BNC2: variants seen among roughly 807,000 people sequenced by gnomAD.
BNC2 encodes zinc finger protein basonuclin-2.
In BNC2, 20 loss-of-function variants were observed where a neutral mutation model predicts 76.3. The observed-to-expected ratio is 0.26, with a 90% CI of 0.18 to 0.38. The LOEUF (loss-of-function observed/expected upper bound fraction) is 0.38, where lower values mean the gene tolerates loss of function less well. Among genes scored for constraint, BNC2 ranks in the 10% least tolerant of loss-of-function variants. The pLI is 1.00. For synonymous variants in BNC2, 582 were observed against 514.8 expected (o/e 1.13, Z -1.77); for missense variants, 1,382 against 1,399.8 (o/e 0.99, Z 0.20).
At chr9:16,820,813 A>C (rs942786762) in intron 1 of BNC2, among the ~76,000 whole-genome samples, 1 of 152,152 alleles carries the variant, frequency 6.6e-6, no homozygotes, top group African/African-American at 2.4e-5. Flanking sequence ...GGGAAAAAAA[A>C]AAAACACTAA....
intron 1 of BNC2, among the ~76,000 whole-genome samples, chr9:16,760,937 T>C (rs1825534845): frequency 6.6e-6 from 1 of 152,134 alleles, no homozygotes; most frequent in Non-Finnish European, 1.5e-5. Context: ...CTGTTATCCC[T>C]TATCCCCACT....
At chr9:16,766,876 C>G (rs1825709776) in intron 1 of BNC2, among the ~76,000 whole-genome samples, 1 of 151,936 alleles carries the variant, frequency 6.6e-6, no homozygotes, top group South Asian at 2.1e-4. Context: ...GGTTGCCCTC[C>G]CCACACAAAA....
intron 1 of BNC2, among the ~76,000 whole-genome samples, chr9:16,807,404 GA>G (rs989431027): frequency 4.6e-5 from 7 of 151,902 alleles, no homozygotes; most frequent in Non-Finnish European, 7.4e-5. Flanking sequence ...ATCACAAAAA[GA>G]AATAAGATAC....
At chr9:16,824,943 G>C (rs1309910357) in intron 1 of BNC2, among the ~76,000 whole-genome samples, 1 of 152,014 alleles carries the variant, frequency 6.6e-6, no homozygotes, top group Non-Finnish European at 1.5e-5. Flanking sequence ...GGCTAAACTG[G>C]GTTTAGTTGT....
At chr9:16,633,738 T>C (rs1246467204) in intron 3 of BNC2, among the ~76,000 whole-genome samples, 2 of 152,202 alleles carry the variant, frequency 1.3e-5, no homozygotes, top group Admixed American at 1.3e-4. Flanking sequence ...TCCAAGTAAA[T>C]AGCGGTTTGC....
chr9:16,687,338 T>C (rs752980770), intron 3 of BNC2, among the ~76,000 whole-genome samples: 4 of 152,202 alleles, frequency 2.6e-5, no homozygotes, highest in Non-Finnish European at 5.9e-5. Flanking sequence ...ACCTGCTACC[T>C]GCTCCTTGGT....
intron 3 of BNC2, among the ~76,000 whole-genome samples, chr9:16,701,579 G>A (rs758203594): frequency 2.9e-4 from 44 of 152,284 alleles, no homozygotes; most frequent in South Asian, 1.0e-3. Context: ...TAGATCTTAA[G>A]ATGCAGTATG....
intron 5 of BNC2, among the ~76,000 whole-genome samples, chr9:16,492,455 T>C (rs574495712): frequency 6.6e-6 from 1 of 152,350 alleles, no homozygotes; most frequent in African/African-American, 2.4e-5. Context: ...TGGTAAAGAT[T>C]CACCACTTCA....
At chr9:16,775,953 G>C (rs984647720) in intron 1 of BNC2, 1 of 152,098 alleles carries the variant, frequency 6.6e-6, no homozygotes, top group Non-Finnish European at 1.5e-5. Context: ...GGGCCACTGT[G>C]TCCAAAACCA....
At chr9:16,620,323 A>G (rs1485047593) in intron 3 of BNC2, among the ~76,000 whole-genome samples, 2 of 152,180 alleles carry the variant, frequency 1.3e-5, no homozygotes, top group Non-Finnish European at 2.9e-5. Context: ...AAAGCTAAAT[A>G]CCACTGTATT....
At chr9:16,841,882 T>TAG in intron 1 of BNC2, among the ~76,000 whole-genome samples, 1 of 152,006 alleles carries the variant, frequency 6.6e-6, no homozygotes, top group Non-Finnish European at 1.5e-5. Context: ...CAATCTCAGC[T>TAG]TACTGCAACC....
In BNC2 at chr9:16,757,271, A is replaced by C. The variant is rs138036430; in HGVS notation, c.4-18786T>G. Reference sequence around the variant, plus strand: ...TACCTAATTTATTATACGTATTTACAGTGATCTTAAATCTCTTGCTATATG... The same window carrying C: ...TACCTAATTTATTATACGTATTTACCGTGATCTTAAATCTCTTGCTATATG... On this transcript the variant is annotated intron_variant, in intron 1 of 6. Transcript: ENST00000380672. 1.0e-3 allele frequency among the ~76,000 whole-genome samples: 157 copies of C among 152,338 alleles called. 2 individuals carry two copies. The highest frequency in any genetic ancestry group is 1.7e-3 in the Non-Finnish European group (113 of 68,034).
At chr9:16,549,755 T>C (rs976053430) in intron 5 of BNC2, among the ~76,000 whole-genome samples, 4 of 152,134 alleles carry the variant, frequency 2.6e-5, no homozygotes, top group African/African-American at 9.7e-5. Flanking sequence ...CTGGGACCAT[T>C]TGCTTTTTTT....
intron 3 of BNC2, among the ~76,000 whole-genome samples, chr9:16,680,562 T>C (rs996357746): frequency 6.6e-6 from 1 of 151,392 alleles, no homozygotes; most frequent in African/African-American, 2.4e-5. Context: ...TATGGATTAT[T>C]TTTTAAATGT....
intron 5 of BNC2, among the ~76,000 whole-genome samples, chr9:16,533,113 ATT>A (rs1450492181): frequency 6.6e-6 from 1 of 152,226 alleles, no homozygotes; most frequent in African/African-American, 2.4e-5. Context: ...GAAAGAGATA[ATT>A]TTGCTATGAC....
intron 4 of BNC2, among the ~76,000 whole-genome samples, chr9:16,569,914 T>A (rs957428592): frequency 6.6e-6 from 1 of 152,226 alleles, no homozygotes; most frequent in Non-Finnish European, 1.5e-5. Context: ...CCCTGCTTTA[T>A]CCAGTTTATG....
intron 3 of BNC2, among the ~76,000 whole-genome samples, chr9:16,725,317 A>T (rs1011710234): frequency 3.9e-5 from 6 of 152,096 alleles, no homozygotes; most frequent in Non-Finnish European, 8.8e-5. Context: ...TGAACAGCAC[A>T]CATACTTTCA....
chr9:16,725,444 G>A (rs984879388), intron 3 of BNC2, among the ~76,000 whole-genome samples: 1 of 151,952 alleles, frequency 6.6e-6, no homozygotes, highest in South Asian at 2.1e-4. Context: ...ATGCACAAGA[G>A]GTAAACATTC....
intron 3 of BNC2, among the ~76,000 whole-genome samples, chr9:16,695,820 C>T (rs1467471137): frequency 6.6e-6 from 1 of 151,950 alleles, no homozygotes; most frequent in East Asian, 1.9e-4. Flanking sequence ...TTCAAACTCT[C>T]ACTAGATTTT....
Sources: allele counts gnomAD v4.1 joint callset (sites outside exome capture counted in the v4.1 genomes callset), GRCh38; gene constraint gnomAD v4.1.1; transcripts MANE v1.5; gene names NCBI Gene and HGNC (gene_info 2026-07-23, HGNC 2026-07-21).